The following PCDHGA9 variants were observed in gnomAD, a reference collection of about 807,000 sequenced individuals.
PCDHGA9 encodes protocadherin gamma-A9.
Under a neutral mutation model 62.5 loss-of-function variants are expected in PCDHGA9, and 37 were observed. The ratio of observed to expected loss-of-function variants is 0.59; its 90% CI spans 0.46 to 0.78. PCDHGA9 has a LOEUF of 0.78. Among genes scored for constraint, PCDHGA9 ranks in the 30% least tolerant of loss-of-function variants. The probability of loss-of-function intolerance (pLI) is 0.00; values close to 1 mark genes in which losing one functional copy is unlikely to be tolerated. For missense variants in PCDHGA9, 1,138 were observed against 1,166.2 expected, an observed-to-expected ratio of 0.98 and a Z score of 0.35; for synonymous variants, 459 against 484.6, an observed-to-expected ratio of 0.95 and a Z score of 0.69.
intron 1 of PCDHGA9, among the ~76,000 whole-genome samples, chr5:141,464,022 TG>T (rs948245337): frequency 1.3e-5 from 2 of 151,716 alleles, no homozygotes; most frequent in African/African-American, 4.8e-5. Context: ...TCCCACACTT[TG>T]GGAGGCCAAG....
At chr5:141,463,784 T>G (rs2099069378) in intron 1 of PCDHGA9, among the ~76,000 whole-genome samples, 1 of 152,194 alleles carries the variant, frequency 6.6e-6, no homozygotes, top group South Asian at 2.1e-4. Context: ...CTGCACTGTC[T>G]TTTGAACAAA....
intron 3 of PCDHGA9, among the ~76,000 whole-genome samples, chr5:141,508,658 A>G (rs1420910010): frequency 2.0e-5 from 3 of 152,086 alleles, no homozygotes; most frequent in African/African-American, 4.8e-5. Flanking sequence ...CCTTCCTGTC[A>G]TTCTGTCTCT....
intron 1 of PCDHGA9, chr5:141,426,906 C>T (rs2096969568): frequency 4.4e-6 from 2 of 456,654 alleles, no homozygotes; most frequent in Admixed American, 2.3e-5. Context: ...CTCTCATCTC[C>T]TGGTCCTGGA....
Position 141,431,054 on chromosome 5 carries a change from G to T in PCDHGA9, c.2424+25678G>T. 6.2e-7 allele frequency: 1 copy of T among 1,614,198 alleles called. No individual in the cohort carries two copies. The highest frequency in any genetic ancestry group is 8.5e-7 in the Non-Finnish European group (1 of 1,180,004). ...AGACCGGGAGGAGCTCTGTATGGGG[G>T]CCATCAAGTGTCAATTAAATCTAGA... On this transcript the variant is annotated intron_variant, in intron 1 of 3. Transcript: ENST00000573521. This position sits in a 1 kb window ranked among gnomAD's most constrained non-coding sequence, Gnocchi z 4.8.
In PCDHGA9 at chr5:141,431,501, C is replaced by G; in HGVS notation, c.2424+26125C>G. On this transcript the variant is annotated intron_variant, in intron 1 of 3. Coordinates refer to ENST00000573521, the MANE Select transcript of PCDHGA9 (RefSeq NM_018921.3). This position sits in a 1 kb window ranked among gnomAD's most constrained non-coding sequence, Gnocchi z 4.8. ...ACCAGCGTTTGCTCAGCCCGAGTAC[C>G]GCGCGAGCGTTCCGGAGAATCTGGC... is the stretch of plus-strand genomic sequence containing the variant. 1 of 1,614,010 alleles carries G rather than the reference C, an allele frequency of 6.2e-7. No homozygotes were observed. The highest frequency in any genetic ancestry group is 8.5e-7 in the Non-Finnish European group (1 of 1,180,034).
chr5:141,420,318 T>C, intron 1 of PCDHGA9: 1 of 1,446,376 alleles, frequency 6.9e-7, no homozygotes, highest in Non-Finnish European at 9.3e-7. Context: ...TATTACAATA[T>C]GCCAATATAT....
At chr5:141,446,055 G>A (rs1431833512) in intron 1 of PCDHGA9, among the ~76,000 whole-genome samples, 1 of 152,190 alleles carries the variant, frequency 6.6e-6, no homozygotes, top group Non-Finnish European at 1.5e-5. Flanking sequence ...AGCTGGCTTG[G>A]ATTAAAGGGG....
intron 1 of PCDHGA9, chr5:141,409,520 T>A (rs1177702875): frequency 6.2e-7 from 1 of 1,613,848 alleles, no homozygotes; most frequent in East Asian, 2.2e-5. Flanking sequence ...AAGCATCACC[T>A]TGTATGTCGC....
At position 141,424,135 on chromosome 5, in the gene PCDHGA9, G is replaced by A. The variant is rs572224199; in HGVS notation, c.2424+18759G>A. 1.1e-4 allele frequency: 47 copies of A among 431,606 alleles called. No individual in the cohort carries two copies. The South Asian group carries it at 4.6e-3, about 43-fold the overall frequency. The allele number at this position is 431,606 out of a possible 1,614,324, so 26.7% of individuals were successfully genotyped here. On this transcript the variant is annotated intron_variant, in intron 1 of 3. Coordinates refer to ENST00000573521, the MANE Select transcript of PCDHGA9 (RefSeq NM_018921.3). The stretch of plus-strand genomic sequence containing the variant: ...AAATTTTGATCCTGTTGATTTAATA[G>A]CATGCTCCCTCTAGCTCTCCTTCTC...
intron 1 of PCDHGA9, among the ~76,000 whole-genome samples, chr5:141,470,591 G>A (rs1271473509): frequency 1.3e-5 from 2 of 152,132 alleles, no homozygotes; most frequent in African/African-American, 4.8e-5. Flanking sequence ...ATAGGCAGGC[G>A]ACCTGTGCGG....
At position 141,403,956 on chromosome 5, in the gene PCDHGA9, T is replaced by A. The variant is rs375951516; in HGVS notation, c.1004T>A (p.Ile335Asn). 6 of 1,613,884 alleles carry A rather than the reference T, an allele frequency of 3.7e-6. No homozygotes were observed. The highest frequency in any genetic ancestry group is 5.1e-6 in the Non-Finnish European group (6 of 1,179,862). Residue 335 changes from isoleucine to asparagine, a missense_variant, in exon 1 of 4, where the codon ATT (isoleucine) becomes AAT (asparagine). Ile to Asn is a moderately radical substitution (Grantham distance 149). Coordinates refer to ENST00000573521, the MANE Select transcript of PCDHGA9 (RefSeq NM_018921.3). ...TTGAAAGGGTGGACAAAAGTGCTCA[T>A]TTCGGTGGAAGATGTAAATGACAAT... is the stretch of plus-strand genomic sequence containing the variant. ...GGLKGWTKVLISVEDVNDNRP... is the reference protein window; with the variant it reads ...GGLKGWTKVLNSVEDVNDNRP...
In PCDHGA9 at chr5:141,431,371, A is replaced by G. The variant is rs2097366432; in HGVS notation, c.2424+25995A>G. The G allele has an allele frequency of 6.2e-7, 1 of 1,613,998 alleles. No individual in the cohort carries two copies. The highest frequency in any genetic ancestry group is 8.5e-7 in the Non-Finnish European group (1 of 1,180,038). ...TGAAACGCGCCCTGGACCGCGAAGA[A>G]AAGGCTGCTCACCACCTGGTCCTTA... On this transcript the variant is annotated intron_variant, in intron 1 of 3. Transcript: ENST00000573521. The surrounding 1 kb of genome is among the most constrained non-coding windows in gnomAD (Gnocchi z 4.8).
Position 141,491,722 on chromosome 5 carries a change from C to G in PCDHGA9, c.2425-3085C>G, listed in dbSNP as rs1276921909. ...CCAGGTGAGGGGCTCGGCGCCGCCC[C>G]GGGCGACCCCTGGGGGCGGCACTGG... On this transcript the variant is annotated intron_variant, in intron 1 of 3. Transcript: ENST00000573521. This position sits in a 1 kb window ranked among gnomAD's most constrained non-coding sequence, Gnocchi z 6.9. 2 of 1,607,004 alleles carry G rather than the reference C, an allele frequency of 1.2e-6. No homozygotes were observed. The highest frequency in any genetic ancestry group is 1.7e-5 in the Admixed American group (1 of 58,788).
At chr5:141,408,045 A>G (rs544263424) in intron 1 of PCDHGA9, 8 of 1,236,658 alleles carry the variant, frequency 6.5e-6, no homozygotes, top group Admixed American at 3.0e-5. Flanking sequence ...CAGCTCCCAC[A>G]CAGAGCCTCC....
At chr5:141,411,958 GAT>G (rs1485546812) in intron 1 of PCDHGA9, 1 of 152,192 alleles carries the variant, frequency 6.6e-6, no homozygotes, top group African/African-American at 2.4e-5. Flanking sequence ...GAAGAAAAAA[GAT>G]AAAATCTTTG....
Position 141,490,732 on chromosome 5 carries a change from G to T in PCDHGA9, c.2425-4075G>T, listed in dbSNP as rs775388969. 4 of 1,614,188 alleles carry T rather than the reference G, an allele frequency of 2.5e-6. No individual in the cohort carries two copies. Among genetic ancestry groups the T allele is most frequent in the Non-Finnish European group, 3.4e-6 (4 of 1,180,042 alleles). ...CACCTACTCCATTGTAGGAAATCAGGTTCAGGGAGCCCCAGCCTCCTCCTT... is the reference window on the plus strand; with the variant it reads ...CACCTACTCCATTGTAGGAAATCAGTTTCAGGGAGCCCCAGCCTCCTCCTT... On this transcript the variant is annotated intron_variant, in intron 1 of 3. Transcript: ENST00000573521. The surrounding 1 kb of genome is among the most constrained non-coding windows in gnomAD (Gnocchi z 5.4).
chr5:141,447,854 G>A (rs1480134238), intron 1 of PCDHGA9, among the ~76,000 whole-genome samples: 1 of 152,200 alleles, frequency 6.6e-6, no homozygotes, highest in Non-Finnish European at 1.5e-5. Flanking sequence ...GGGAGGCCGA[G>A]GTGGGTGAAT....
At chr5:141,420,824 C>T (rs1282369085) in intron 1 of PCDHGA9, among the ~76,000 whole-genome samples, 1 of 152,216 alleles carries the variant, frequency 6.6e-6, no homozygotes, top group Admixed American at 6.5e-5. Context: ...TTAATAATTA[C>T]TCCTTTCGCA....
At position 141,460,338 on chromosome 5, in the gene PCDHGA9, T is replaced by C. The variant is rs1180912204; in HGVS notation, c.2425-34469T>C. Among the ~76,000 whole-genome samples, 4 of 152,222 alleles carry C rather than the reference T, an allele frequency of 2.6e-5. No homozygotes were observed. The East Asian group carries it at 7.7e-4, about 29-fold the overall frequency. On this transcript the variant is annotated intron_variant, in intron 1 of 3. Transcript: ENST00000573521. ...GCCTACTGAAAACTTATGATGATTT[T>C]CTCCTATATTTTCTTTTAGAAGTTT...
Sources: gnomAD v4.1 joint callset for allele counts (sites outside exome capture counted in the v4.1 genomes callset) on GRCh38, gnomAD v4.1.1 for gene constraint, Gnocchi (gnomAD v3.1) non-coding constraint, MANE v1.5 for transcripts, NCBI Gene and HGNC (gene_info 2026-07-23, HGNC 2026-07-21) for gene names.